The following VAPB variants were observed in gnomAD, a reference collection of about 807,000 sequenced individuals.
VAPB encodes vesicle-associated membrane protein-associated protein B/C.
VAPB carries 7 observed loss-of-function variants against 25.6 expected under a neutral mutation model. The ratio of observed to expected loss-of-function variants is 0.27; its 90% CI spans 0.16 to 0.51. VAPB has a LOEUF of 0.51. Among genes scored for constraint, VAPB ranks in the 20% least tolerant of loss-of-function variants. VAPB has a pLI of 0.97. For synonymous variants in VAPB, 112 were observed against 109.2 expected (o/e 1.03, Z -0.16); for missense variants, 266 against 301.3 (o/e 0.88, Z 0.87).
Position 58,441,048 on chromosome 20 carries a change from GTTC to G in VAPB, c.539_541del (p.Val180_Gln181delinsGlu). 6.2e-7 allele frequency: 1 copy of G among 1,614,150 alleles called. No homozygotes were observed. Among genetic ancestry groups the G allele is most frequent in the Non-Finnish European group, 8.5e-7 (1 of 1,180,020 alleles). On this transcript the variant is annotated inframe_deletion, in exon 5 of 6. Coordinates refer to ENST00000475243, the MANE Select transcript of VAPB (RefSeq NM_004738.5). ...AGAATGTAAGAGGCTGCAAGGTGAA[GTTC>G]AGAGGCTACGGGAGGAGAACAAGCA...
At chr20:58,420,631 G>A (rs902734516) in intron 2 of VAPB, among the ~76,000 whole-genome samples, 6 of 152,108 alleles carry the variant, frequency 3.9e-5, no homozygotes, top group African/African-American at 1.4e-4. Flanking sequence ...TGTATTTGGG[G>A]GAAAAAGTAG....
intron 1 of VAPB, among the ~76,000 whole-genome samples, chr20:58,411,967 C>T (rs1568705049): frequency 1.3e-5 from 2 of 152,260 alleles, no homozygotes; most frequent in Non-Finnish European, 2.9e-5. Context: ...GCATGAGCCA[C>T]TGTGCCCAGC....
chr20:58,429,979 A>G (rs1305906461), intron 2 of VAPB, among the ~76,000 whole-genome samples: 3 of 128,980 alleles, frequency 2.3e-5, no homozygotes, highest in Non-Finnish European at 3.4e-5. Flanking sequence ...GAGGCAAGGC[A>G]GGAGGATCAC....
chr20:58,411,063 T>C (rs1297452357), intron 1 of VAPB, among the ~76,000 whole-genome samples: 1 of 152,188 alleles, frequency 6.6e-6, no homozygotes, highest in Admixed American at 6.5e-5. Context: ...GATTGCTGGA[T>C]TGTATGGTAA....
At chr20:58,434,020 G>C (rs1044821328) in intron 2 of VAPB, among the ~76,000 whole-genome samples, 11 of 152,008 alleles carry the variant, frequency 7.2e-5, no homozygotes, top group Admixed American at 1.3e-4. Flanking sequence ...GATTTCTCTA[G>C]GTTCTTAGGG....
intron 1 of VAPB, among the ~76,000 whole-genome samples, chr20:58,412,759 A>G (rs552035567): frequency 6.6e-6 from 1 of 152,294 alleles, no homozygotes; most frequent in Admixed American, 6.5e-5. Context: ...GAACTTTTAA[A>G]TTATTCTTTT....
chr20:58,434,992 A>AGG (rs746933816), intron 3 of VAPB, among the ~76,000 whole-genome samples: 19 of 152,242 alleles, frequency 1.2e-4, no homozygotes, highest in Non-Finnish European at 1.5e-4. Flanking sequence ...TTGCATGGTT[A>AGG]GGGATTGCCT....
At chr20:58,419,314 T>C (rs767755205) in intron 2 of VAPB, among the ~76,000 whole-genome samples, 27 of 152,222 alleles carry the variant, frequency 1.8e-4, no homozygotes, top group Non-Finnish European at 3.2e-4. Context: ...CATTATCTGA[T>C]CGTTTCTGCA....
In VAPB at chr20:58,446,324, C is replaced by T; in HGVS notation, c.*2089C>T. 2.2e-6 allele frequency: 1 copy of T among 454,100 alleles called. No individual in the cohort carries two copies. Among genetic ancestry groups the T allele is most frequent in the South Asian group, 1.6e-5 (1 of 64,476 alleles). The allele number at this position is 454,100 out of a possible 1,614,324, so 28.1% of individuals were successfully genotyped here. On this transcript the variant is annotated 3_prime_UTR_variant, in exon 6 of 6. Coordinates refer to ENST00000475243, the MANE Select transcript of VAPB (RefSeq NM_004738.5). ...ATTTACTAATTGTAGTTGCTGCAGC[C>T]AGTTAAGTCCTGTAGCTTCCAGGCC...
At chr20:58,426,356 C>T (rs539646192) in intron 2 of VAPB, among the ~76,000 whole-genome samples, 3 of 152,260 alleles carry the variant, frequency 2.0e-5, no homozygotes, top group Admixed American at 6.5e-5. Context: ...CACCACCATG[C>T]CTGGCTATTC....
rs73296807 is a variant in VAPB at position 58,402,545 on chromosome 20, C to G, written c.58+13028C>G. Among the ~76,000 whole-genome samples the G allele has an allele frequency of 3.6e-3, 547 of 150,116 alleles. 5 individuals carry two copies. Among genetic ancestry groups the G allele is most frequent in the African/African-American group, 0.012 (504 of 40,686 alleles). On this transcript the variant is annotated intron_variant, in intron 1 of 5. Coordinates refer to ENST00000475243, the MANE Select transcript of VAPB (RefSeq NM_004738.5). ...TACGTGACTCCCTTTCGCTGTTAGTCAGCAAGCCCCCCCACCCTTTTTTTT... is the reference window on the plus strand; with the variant it reads ...TACGTGACTCCCTTTCGCTGTTAGTGAGCAAGCCCCCCCACCCTTTTTTTT...
Position 58,444,400 on chromosome 20 carries a change from C to T in VAPB, c.*165C>T. 1 of 925,152 alleles carries T rather than the reference C, an allele frequency of 1.1e-6. No individual in the cohort carries two copies. The allele number at this position is 925,152 out of a possible 1,614,324, so 57.3% of individuals were successfully genotyped here. On this transcript the variant is annotated 3_prime_UTR_variant, in exon 6 of 6. Coordinates refer to ENST00000475243, the MANE Select transcript of VAPB (RefSeq NM_004738.5). ...ACACACATACACAGATACACACACA[C>T]AAATATAATGTAACGATCTTTTAGA...
intron 1 of VAPB, among the ~76,000 whole-genome samples, chr20:58,403,101 A>G (rs1410235070): frequency 1.3e-5 from 2 of 152,220 alleles, no homozygotes; most frequent in Non-Finnish European, 2.9e-5. Context: ...CCCGTTATGT[A>G]CAGCCGATCG....
intron 3 of VAPB, among the ~76,000 whole-genome samples, chr20:58,435,676 G>A (rs757537194): frequency 2.6e-5 from 4 of 152,188 alleles, no homozygotes; most frequent in Admixed American, 1.3e-4. Flanking sequence ...AAGCATCTCC[G>A]CTGATGTTTC....
At chr20:58,425,245 C>T (rs529387457) in intron 2 of VAPB, among the ~76,000 whole-genome samples, 36 of 152,216 alleles carry the variant, frequency 2.4e-4, no homozygotes, top group African/African-American at 7.9e-4. Context: ...ACGGGGAGTG[C>T]GAGACTGAGG....
At chr20:58,390,112 C>T (rs947419065) in intron 1 of VAPB, 2 of 152,286 alleles carry the variant, frequency 1.3e-5, no homozygotes, top group African/African-American at 4.8e-5. Flanking sequence ...TAAATAAATA[C>T]CTGTTGAACC....
rs1263147458 is a variant in VAPB, at chr20:58,445,782, G to C, written c.*1547G>C. 3 of 453,640 alleles carry C rather than the reference G, an allele frequency of 6.6e-6. No individual in the cohort carries two copies. The highest frequency in any genetic ancestry group is 8.8e-6 in the Non-Finnish European group (2 of 226,722). The allele number at this position is 453,640 out of a possible 1,614,324, so 28.1% of individuals were successfully genotyped here. A position where few individuals can be genotyped will look rare whatever the true frequency, so the allele number is the denominator to read the frequency against. The stretch of plus-strand genomic sequence containing the variant: ...AAAATGAAACTGCTGAAAAAGCTGA[G>C]CACCTGGTCACCCTTGGCCTTCCAT... On this transcript the variant is annotated 3_prime_UTR_variant, in exon 6 of 6. Coordinates refer to ENST00000475243, the MANE Select transcript of VAPB (RefSeq NM_004738.5).
chr20:58,426,821 C>G (rs1019008087), intron 2 of VAPB, among the ~76,000 whole-genome samples: 25 of 152,054 alleles, frequency 1.6e-4, no homozygotes, highest in African/African-American at 5.6e-4. Context: ...TGGGCCTCAG[C>G]TGAGATTGTG....
Position 58,418,134 on chromosome 20 carries a change from A to G in VAPB, c.59-77A>G, listed in dbSNP as rs1467820298. 4 of 1,589,748 alleles carry G rather than the reference A, an allele frequency of 2.5e-6. No individual in the cohort carries two copies. The African/African-American group carries it at 5.4e-5, about 21-fold the overall frequency. On this transcript the variant is annotated intron_variant, in intron 1 of 5. Coordinates refer to ENST00000475243, the MANE Select transcript of VAPB (RefSeq NM_004738.5). ...GGATCTCAAATCTTCCCTTAACTAT[A>G]TTTACAGCTCTCTTTTCCACAAACC... is the stretch of plus-strand genomic sequence containing the variant.
Sources: allele counts gnomAD v4.1 joint callset (sites outside exome capture counted in the v4.1 genomes callset), GRCh38; gene constraint gnomAD v4.1.1; transcripts MANE v1.5; gene names NCBI Gene and HGNC (gene_info 2026-07-23, HGNC 2026-07-21).